Variants in ARL13B observed in about 807,000 individuals in gnomAD.
ARL13B encodes ARF like GTPase 13B.
In ARL13B, 36 loss-of-function variants were observed where a neutral mutation model predicts 56.1. That is an observed-to-expected ratio of 0.64 (90% CI 0.49 to 0.85). The LOEUF is 0.85. Ranked by LOEUF, ARL13B falls within the 40% of genes least tolerant of loss-of-function variation. The pLI, the probability that ARL13B is intolerant of heterozygous loss-of-function variation, is 0.00. For synonymous variants in ARL13B, 178 were observed against 171.1 expected, an observed-to-expected ratio of 1.04 and a Z score of -0.32; for missense variants, 519 against 507.1, an observed-to-expected ratio of 1.02 and a Z score of -0.23.
At chr3:94,001,104 AC>A (rs1268911965) in intron 2 of ARL13B, among the ~76,000 whole-genome samples, 1 of 152,160 alleles carries the variant, frequency 6.6e-6, no homozygotes, top group Non-Finnish European at 1.5e-5. Context: ...TCAGTAGAGG[AC>A]AGAATATTAT....
chr3:94,009,336 T>C (rs1205894073), intron 3 of ARL13B, among the ~76,000 whole-genome samples: 2 of 152,034 alleles, frequency 1.3e-5, no homozygotes, highest in East Asian at 3.9e-4. Flanking sequence ...TTTTTTTGTT[T>C]GTTTCCAACC....
rs1217967570 is a variant in ARL13B at position 94,043,128 on chromosome 3, T to A, written c.912T>A (p.Val304=). ...EHEQIETQGQ[V]NHNGQKNNEF... ...AGCAAATAGAGACACAAGGCCAGGT[T>A]AATCACAATGGCCAAAAAAATAATG... Residue 304 remains valine, a synonymous_variant, in exon 7 of 10, where the codon GTT becomes GTA. Transcript: ENST00000394222. 3.1e-6 allele frequency: 5 copies of A among 1,613,642 alleles called. No homozygotes were observed. In the Admixed American group the frequency reaches 8.3e-5, roughly 27 times the overall value.
chr3:94,015,786 T>C (rs2076321042), intron 3 of ARL13B, among the ~76,000 whole-genome samples: 1 of 152,178 alleles, frequency 6.6e-6, no homozygotes, highest in African/African-American at 2.4e-5. Flanking sequence ...TTAAGCTATA[T>C]GGATAATATT....
chr3:94,000,991 G>A (rs2076047022), intron 2 of ARL13B, among the ~76,000 whole-genome samples: 1 of 152,170 alleles, frequency 6.6e-6, no homozygotes, highest in South Asian at 2.1e-4. Flanking sequence ...AGTTATCTCA[G>A]TGGTTTGGTG....
intron 1 of ARL13B, among the ~76,000 whole-genome samples, chr3:93,986,897 G>A (rs1235905607): frequency 6.6e-6 from 1 of 152,048 alleles, no homozygotes; most frequent in Admixed American, 6.6e-5. Context: ...TTGCACCCAG[G>A]AGGCAGAGGT....
chr3:94,052,252 G>A (rs2077078598), intron 9 of ARL13B, among the ~76,000 whole-genome samples: 1 of 151,954 alleles, frequency 6.6e-6, no homozygotes, highest in Admixed American at 6.6e-5. Flanking sequence ...CAAGTATTTT[G>A]TTTGTTAAAA....
intron 3 of ARL13B, among the ~76,000 whole-genome samples, chr3:94,016,891 C>T (rs1180811148): frequency 6.6e-6 from 1 of 152,142 alleles, no homozygotes; most frequent in Non-Finnish European, 1.5e-5. Flanking sequence ...GTGATCCGCC[C>T]ACCTTGGCCT....
chr3:94,042,697 G>C (rs554501141), intron 6 of ARL13B, among the ~76,000 whole-genome samples: 2 of 152,168 alleles, frequency 1.3e-5, no homozygotes, highest in South Asian at 4.2e-4. Flanking sequence ...TGTATGTGTG[G>C]GGGTTGGCAG....
intron 1 of ARL13B, among the ~76,000 whole-genome samples, chr3:93,993,046 C>T (rs1575937222): frequency 1.3e-5 from 2 of 150,336 alleles, no homozygotes; most frequent in South Asian, 4.2e-4. Flanking sequence ...CTCGAGTGAT[C>T]GGCCCTCCTC....
intron 3 of ARL13B, among the ~76,000 whole-genome samples, chr3:94,022,148 A>G (rs1220770865): frequency 1.3e-5 from 2 of 151,702 alleles, no homozygotes; most frequent in African/African-American, 4.8e-5. Flanking sequence ...TTTGAGACAG[A>G]GTTTCGCTGT....
intron 5 of ARL13B, among the ~76,000 whole-genome samples, chr3:94,037,718 A>G (rs942173642): frequency 6.6e-6 from 1 of 151,842 alleles, no homozygotes; most frequent in African/African-American, 2.4e-5. Context: ...ATTTATAAAA[A>G]TTAAATATAT....
At chr3:94,039,333 T>C (rs1353090237) in intron 5 of ARL13B, among the ~76,000 whole-genome samples, 4 of 151,938 alleles carry the variant, frequency 2.6e-5, no homozygotes, top group African/African-American at 9.7e-5. Flanking sequence ...ACCCCGTCTC[T>C]ACTAAAAATA....
At chr3:94,038,124 ATAT>A (rs2076801195) in intron 5 of ARL13B, among the ~76,000 whole-genome samples, 1 of 152,178 alleles carries the variant, frequency 6.6e-6, no homozygotes, top group African/African-American at 2.4e-5. Flanking sequence ...TAAAAATAAT[ATAT>A]TAATACTGTA....
At chr3:94,000,601 A>G (rs896460781) in intron 2 of ARL13B, among the ~76,000 whole-genome samples, 4 of 151,696 alleles carry the variant, frequency 2.6e-5, no homozygotes, top group African/African-American at 4.8e-5. Context: ...TTTATGTTTC[A>G]TATGTAGTTA....
intron 1 of ARL13B, among the ~76,000 whole-genome samples, chr3:93,984,627 C>T (rs1248053126): frequency 2.0e-5 from 3 of 152,048 alleles, no homozygotes; most frequent in South Asian, 4.1e-4. Flanking sequence ...GCAGTTCAAA[C>T]GTGTGTTGTT....
chr3:93,980,580 T>C, intron 1 of ARL13B, 98 bp downstream of exon 1: 1 of 1,456,348 alleles, frequency 6.9e-7, no homozygotes, highest in South Asian at 1.2e-5. Flanking sequence ...GACGAGTCTA[T>C]CCCAGGCCGC....
chr3:94,051,300 C>G (rs543405866), intron 9 of ARL13B, among the ~76,000 whole-genome samples: 12 of 152,112 alleles, frequency 7.9e-5, no homozygotes, highest in African/African-American at 2.9e-4. Flanking sequence ...TTTTTTCTCT[C>G]TACTCCTAAT....
At position 93,980,233 on chromosome 3, in the gene ARL13B, G is replaced by A. The variant is rs1363888780; in HGVS notation, c.-191G>A. On this transcript the variant is annotated 5_prime_UTR_variant, in exon 1 of 10. Coordinates refer to ENST00000394222, the MANE Select transcript of ARL13B (RefSeq NM_001174150.2). ...GTCAGGTTGTTCCTTGGCTAAGAGG[G>A]CAGTCGTCGCGGACCCACGCGGTTA... The A allele has an allele frequency of 1.4e-6, 1 of 731,816 alleles. No individual in the cohort carries two copies. Among genetic ancestry groups the A allele is most frequent in the East Asian group, 2.7e-5 (1 of 37,366 alleles). The allele number at this position is 731,816 out of a possible 1,614,324, so 45.3% of individuals were successfully genotyped here.
intron 3 of ARL13B, among the ~76,000 whole-genome samples, chr3:94,031,024 A>T (rs1018631376): frequency 6.6e-6 from 1 of 152,130 alleles, no homozygotes; most frequent in East Asian, 1.9e-4. Flanking sequence ...TAATTTTTTA[A>T]AAAAAGAACG....
Sources: gnomAD v4.1 joint callset for allele counts (sites outside exome capture counted in the v4.1 genomes callset) on GRCh38, gnomAD v4.1.1 for gene constraint, MANE v1.5 for transcripts, NCBI Gene and HGNC (gene_info 2026-07-23, HGNC 2026-07-21) for gene names.